Variants in NRCAM observed in about 807,000 individuals in gnomAD.
The protein encoded by NRCAM is neuronal cell adhesion molecule, also known as NgCAM-related cell adhesion molecule.
A neutral mutation model predicts 156.5 loss-of-function variants in NRCAM; 83 were observed. The ratio of observed to expected loss-of-function variants is 0.53; its 90% CI spans 0.44 to 0.64. The LOEUF is 0.64. NRCAM is among the 30% of genes least tolerant of loss of function. The pLI is 0.00. For synonymous variants in NRCAM, 538 were observed against 563.9 expected (o/e 0.95, Z 0.65); for missense variants, 1,417 against 1,597.3 (o/e 0.89, Z 1.92).
At chr7:108,159,442 A>C (rs761970472) in intron 32 of NRCAM, 21 bp downstream of exon 32, 1 of 1,599,866 alleles carries the variant, frequency 6.3e-7, no homozygotes, top group South Asian at 1.1e-5. Context: ...GAAGATGAAG[A>C]GCAGAGAAGC....
chr7:108,162,282 A>G (rs750217035), intron 30 of NRCAM, among the ~76,000 whole-genome samples: 27 of 152,242 alleles, frequency 1.8e-4, no homozygotes, highest in Non-Finnish European at 3.8e-4. Flanking sequence ...AAAATGCTAT[A>G]GGCACTTCCT....
intron 20 of NRCAM, among the ~76,000 whole-genome samples, chr7:108,185,863 T>A (rs1235606820): frequency 6.6e-6 from 1 of 152,152 alleles, no homozygotes; most frequent in Admixed American, 6.5e-5. Flanking sequence ...ACTATGCTTG[T>A]GTAAATGTAA....
chr7:108,387,710 C>G (rs894722244), intron 2 of NRCAM, among the ~76,000 whole-genome samples: 2 of 136,126 alleles, frequency 1.5e-5, no homozygotes, highest in African/African-American at 5.3e-5. Context: ...GCTATCCCTC[C>G]CCCTCCCCCC....
chr7:108,202,705 C>T (rs12705439), intron 13 of NRCAM, among the ~76,000 whole-genome samples: 35,434 of 152,088 alleles, frequency 0.23, 4,372 homozygotes, highest in Non-Finnish European at 0.27. Flanking sequence ...ACCAGTCCTC[C>T]ATTCTCCTGG....
In NRCAM at chr7:108,273,151, T is replaced by C. The variant is rs140054910; in HGVS notation, c.-106-32981A>G. On this transcript the variant is annotated intron_variant, in intron 3 of 32. Transcript: ENST00000379028. ...TTTTCTTTATCCAGTCTATTATTGA[T>C]GGGCATTTGGGTTGGTTCCAAGTCT... Among the ~76,000 whole-genome samples, 508 of 152,352 alleles carry C rather than the reference T, an allele frequency of 3.3e-3. 4 individuals are homozygous for C. The highest frequency in any genetic ancestry group is 0.012 in the African/African-American group (481 of 41,570).
chr7:108,412,898 T>G (rs536431263), intron 1 of NRCAM, among the ~76,000 whole-genome samples: 23 of 152,340 alleles, frequency 1.5e-4, no homozygotes, highest in African/African-American at 4.6e-4. Flanking sequence ...TATGGCTATA[T>G]AGTATTCTAT....
chr7:108,189,919 C>CG (rs2070026270), intron 19 of NRCAM, among the ~76,000 whole-genome samples, 173 bp from the exon 20 acceptor site: 2 of 152,190 alleles, frequency 1.3e-5, no homozygotes, highest in Admixed American at 6.5e-5. Flanking sequence ...AACACACGAA[C>CG]ACACACAAGA....
chr7:108,327,961 A>C (rs1411364287), intron 2 of NRCAM, among the ~76,000 whole-genome samples: 1 of 152,214 alleles, frequency 6.6e-6, no homozygotes, highest in East Asian at 1.9e-4. Context: ...AAATTGTCTT[A>C]AGGTAATATG....
rs188904098 is a variant in NRCAM at position 108,173,265 on chromosome 7, T to G, written c.3187+2057A>C. Among the ~76,000 whole-genome samples the G allele has an allele frequency of 3.5e-4, 53 of 152,236 alleles. 1 individual carries two copies. In the East Asian group the frequency reaches 9.1e-3, roughly 26 times the overall value. On this transcript the variant is annotated intron_variant, in intron 28 of 32. Transcript: ENST00000379028. ...CCTCCCAAACTGTTGGGATTACAGG[T>G]GTGAGCCACCACGCCCGGCCATATT...
At chr7:108,191,585 ATCT>A (rs2071568806) in intron 18 of NRCAM, 141 bp downstream of exon 18, 1 of 996,758 alleles carries the variant, frequency 1.0e-6, no homozygotes. Flanking sequence ...CCTCCAAGGC[ATCT>A]TTCAAAGAAG....
At chr7:108,231,738 CT>C (rs1589287959) in intron 7 of NRCAM, among the ~76,000 whole-genome samples, 1 of 152,036 alleles carries the variant, frequency 6.6e-6, no homozygotes, top group Non-Finnish European at 1.5e-5. Context: ...TTTTAAATTT[CT>C]TTTTTGTTTA....
At chr7:108,188,996 C>T in intron 20 of NRCAM, among the ~76,000 whole-genome samples, 1 of 151,178 alleles carries the variant, frequency 6.6e-6, no homozygotes, top group East Asian at 2.0e-4. Flanking sequence ...TTTTACAATT[C>T]AACTTCGAAG....
intron 24 of NRCAM, among the ~76,000 whole-genome samples, chr7:108,180,976 A>G (rs1483318077): frequency 6.6e-6 from 1 of 152,236 alleles, no homozygotes; most frequent in Non-Finnish European, 1.5e-5. Flanking sequence ...CTGAAAGTCT[A>G]GAATTTTTCC....
At chr7:108,408,225 G>A (rs1230527032) in intron 1 of NRCAM, among the ~76,000 whole-genome samples, 3 of 152,146 alleles carry the variant, frequency 2.0e-5, no homozygotes, top group Admixed American at 2.0e-4. Flanking sequence ...ATGCTAGGTA[G>A]CACATAGATT....
At chr7:108,297,604 C>T (rs1431194310) in intron 3 of NRCAM, among the ~76,000 whole-genome samples, 1 of 152,068 alleles carries the variant, frequency 6.6e-6, no homozygotes, top group Non-Finnish European at 1.5e-5. Flanking sequence ...GTTCTTGGTG[C>T]TGGGATACAT....
Position 108,232,508 on chromosome 7 carries a change from C to G in NRCAM, c.245G>C (p.Arg82Pro). Residue 82 changes from arginine (R) to proline (P), a missense_variant, in exon 7 of 33, where the codon CGT becomes CCT. Physicochemically the swap from Arg to Pro is moderately radical, Grantham distance 103. Coordinates refer to ENST00000379028, the MANE Select transcript of NRCAM (RefSeq NM_001037132.4). ...GKPPPSFSWT[R>P]NGTHFDIDKD... Reference sequence around the variant, plus strand: ...ATCGATGTCAAAATGAGTCCCATTACGGGTCCAGGAAAAGCTGCCCAACAC... The same window carrying G: ...ATCGATGTCAAAATGAGTCCCATTAGGGGTCCAGGAAAAGCTGCCCAACAC... 1 of 1,609,924 alleles carries G rather than the reference C, an allele frequency of 6.2e-7. No homozygotes were observed.
At chr7:108,332,153 G>T (rs2099133458) in intron 2 of NRCAM, among the ~76,000 whole-genome samples, 1 of 152,176 alleles carries the variant, frequency 6.6e-6, no homozygotes, top group African/African-American at 2.4e-5. Flanking sequence ...GGAGTCATCT[G>T]TTTCTGTAAA....
At chr7:108,339,080 G>T (rs1594145744) in intron 2 of NRCAM, among the ~76,000 whole-genome samples, 1 of 152,188 alleles carries the variant, frequency 6.6e-6, no homozygotes, top group African/African-American at 2.4e-5. Context: ...TAAAGTATGG[G>T]GTTATTTTGT....
intron 32 of NRCAM, chr7:108,156,241 T>C: frequency 1.0e-6 from 1 of 962,756 alleles, no homozygotes; most frequent in South Asian, 4.8e-5. Context: ...CACAAGCCCA[T>C]GTTCACATGA....
Sources: gnomAD v4.1 joint callset for allele counts (sites outside exome capture counted in the v4.1 genomes callset) on GRCh38, gnomAD v4.1.1 for gene constraint, MANE v1.5 for transcripts, NCBI Gene and HGNC (gene_info 2026-07-23, HGNC 2026-07-21) for gene names.